The following RBFOX1 variants were observed in gnomAD, a reference collection of about 807,000 sequenced individuals.
RBFOX1 encodes the protein RNA binding protein fox-1 homolog 1.
Under a neutral mutation model 57.7 loss-of-function variants are expected in RBFOX1, and 8 were observed. That is an observed-to-expected ratio of 0.14 (90% confidence interval 0.08 to 0.25). RBFOX1 has a LOEUF of 0.25. Ranked by LOEUF, RBFOX1 falls within the 10% of genes least tolerant of loss-of-function variation. The pLI, the probability that RBFOX1 is intolerant of heterozygous loss-of-function variation, is 1.00. For synonymous variants in RBFOX1, 326 were observed against 222.4 expected (o/e 1.47, Z -4.15); for missense variants, 611 against 548.5 (o/e 1.11, Z -1.14).
At position 6,748,652 on chromosome 16, in the gene RBFOX1, C is replaced by T. The variant is rs544014847; in HGVS notation, c.-16+94002C>T. Reference sequence around the variant, plus strand: ...CCAGCCTGAGCAACAAGGCAAGATCCTGTCTCAAACAAAACACCTAATTAT... The same window carrying T: ...CCAGCCTGAGCAACAAGGCAAGATCTTGTCTCAAACAAAACACCTAATTAT... On this transcript the variant is annotated intron_variant, in intron 3 of 15. Transcript: ENST00000550418. 2.0e-5 allele frequency among the ~76,000 whole-genome samples: 3 copies of T among 152,256 alleles called. No individual in the cohort carries two copies. The East Asian group carries it at 5.8e-4, about 29-fold the overall frequency.
intron 1 of RBFOX1, among the ~76,000 whole-genome samples, chr16:5,363,776 G>GTGTCT (rs1162221913): frequency 5.3e-5 from 8 of 152,176 alleles, no homozygotes; most frequent in Non-Finnish European, 7.3e-5. Flanking sequence ...GTATTACCAG[G>GTGTCT]GCCAGAAGGG....
At chr16:5,573,458 G>C (rs991423660) in intron 2 of RBFOX1, among the ~76,000 whole-genome samples, 1 of 152,210 alleles carries the variant, frequency 6.6e-6, no homozygotes, top group Non-Finnish European at 1.5e-5. Context: ...TGGAATCGCT[G>C]GAGGCAGAGC....
In RBFOX1 at chr16:7,025,678, A is replaced by AGGCCT. The variant is rs577224373; in HGVS notation, c.-15-26368_-15-26364dup. Among the ~76,000 whole-genome samples the AGGCCT allele has an allele frequency of 2.4e-3, 360 of 152,228 alleles. 1 individual carries two copies. Among genetic ancestry groups the AGGCCT allele is most frequent in the Non-Finnish European group, 4.1e-3 (276 of 68,002 alleles). On this transcript the variant is annotated intron_variant, in intron 3 of 15. Coordinates refer to ENST00000550418, the MANE Select transcript of RBFOX1 (RefSeq NM_018723.4). ...ACCTCTTCATCAGGGGTGCTGGAGA[A>AGGCCT]GGCCTGGCCTGGCCTCTGGAGCCTG...
chr16:5,341,961 T>G (rs975606337), intron 1 of RBFOX1, among the ~76,000 whole-genome samples: 3 of 152,160 alleles, frequency 2.0e-5, no homozygotes, highest in Non-Finnish European at 2.9e-5. Context: ...AGGTGAGATT[T>G]GGATCACCCT....
chr16:7,066,183 C>G (rs531415437), intron 4 of RBFOX1, among the ~76,000 whole-genome samples: 5 of 152,294 alleles, frequency 3.3e-5, no homozygotes, highest in Admixed American at 3.3e-4. Flanking sequence ...CTTTAATTCA[C>G]ACTTAGAGAA....
intron 6 of RBFOX1, among the ~76,000 whole-genome samples, chr16:7,583,947 A>T (rs2093957756): frequency 6.6e-6 from 1 of 152,208 alleles, no homozygotes; most frequent in Admixed American, 6.5e-5. Flanking sequence ...GCAAAGGAAG[A>T]TTTCAAGATC....
intron 3 of RBFOX1, among the ~76,000 whole-genome samples, chr16:5,644,068 C>T (rs2048969177): frequency 6.6e-6 from 1 of 152,298 alleles, no homozygotes; most frequent in South Asian, 2.1e-4. Context: ...TAGTAATTTT[C>T]ATGATGCAAA....
At chr16:5,669,413 A>G (rs942332593) in intron 3 of RBFOX1, among the ~76,000 whole-genome samples, 10 of 144,966 alleles carry the variant, frequency 6.9e-5, no homozygotes, top group African/African-American at 2.6e-4. Flanking sequence ...GAGAATGAGA[A>G]CAAGTTGGCT....
intron 4 of RBFOX1, among the ~76,000 whole-genome samples, chr16:7,263,105 G>C (rs1407625919): frequency 2.6e-5 from 4 of 152,200 alleles, no homozygotes; most frequent in Admixed American, 2.6e-4. Context: ...ATTCCTTGGT[G>C]AGTCACTCAG....
intron 4 of RBFOX1, among the ~76,000 whole-genome samples, chr16:7,063,864 C>T (rs1283235575): frequency 2.0e-5 from 3 of 152,194 alleles, no homozygotes; most frequent in Non-Finnish European, 4.4e-5. Flanking sequence ...GGTGGATGTG[C>T]ATAGGTTATA....
chr16:5,755,327 CA>C (rs1472207094), intron 3 of RBFOX1, among the ~76,000 whole-genome samples: 1 of 152,008 alleles, frequency 6.6e-6, no homozygotes, highest in Admixed American at 6.6e-5. Flanking sequence ...GACACAGTAA[CA>C]ATCTGATCTC....
chr16:6,308,207 C>G (rs2079770898), intron 1 of RBFOX1, among the ~76,000 whole-genome samples: 1 of 151,734 alleles, frequency 6.6e-6, no homozygotes, highest in Admixed American at 6.6e-5. Flanking sequence ...GTGTATTTAT[C>G]TATTTGGATG....
chr16:6,223,639 C>G (rs1309765652), intron 1 of RBFOX1, among the ~76,000 whole-genome samples: 1 of 152,120 alleles, frequency 6.6e-6, no homozygotes, highest in Non-Finnish European at 1.5e-5. Flanking sequence ...AATTTTCTCC[C>G]ATTTTGTAGG....
intron 4 of RBFOX1, among the ~76,000 whole-genome samples, chr16:7,075,727 C>G (rs945207523): frequency 6.6e-6 from 1 of 152,058 alleles, no homozygotes; most frequent in African/African-American, 2.4e-5. Flanking sequence ...ACTACAGGTG[C>G]CTGCCACCAC....
intron 2 of RBFOX1, among the ~76,000 whole-genome samples, chr16:6,468,757 C>T (rs2095108585): frequency 6.6e-6 from 1 of 151,946 alleles, no homozygotes; most frequent in African/African-American, 2.4e-5. Context: ...TTCTTTCTGC[C>T]TTTTTTATTT....
intron 2 of RBFOX1, among the ~76,000 whole-genome samples, chr16:6,342,866 C>G (rs573717810): frequency 1.2e-4 from 19 of 152,236 alleles, no homozygotes; most frequent in African/African-American, 3.9e-4. Context: ...AATGCTTTAT[C>G]CTACATTGAT....
intron 1 of RBFOX1, among the ~76,000 whole-genome samples, chr16:6,259,169 C>G (rs976448676): frequency 1.3e-5 from 2 of 152,192 alleles, no homozygotes; most frequent in Non-Finnish European, 2.9e-5. Context: ...AAATTGGATA[C>G]AAGCCTAGCT....
At chr16:7,480,864 C>G (rs1301111051) in intron 4 of RBFOX1, among the ~76,000 whole-genome samples, 1 of 152,142 alleles carries the variant, frequency 6.6e-6, no homozygotes, top group East Asian at 1.9e-4. Context: ...TAAAAGTTGT[C>G]CTCCTGGGGC....
intron 3 of RBFOX1, among the ~76,000 whole-genome samples, chr16:6,885,408 A>C (rs1175932902): frequency 6.6e-6 from 1 of 152,194 alleles, no homozygotes; most frequent in Non-Finnish European, 1.5e-5. Flanking sequence ...AGAATTTACA[A>C]AACCCATTTT....
Sources: allele counts gnomAD v4.1 joint callset (sites outside exome capture counted in the v4.1 genomes callset), GRCh38; gene constraint gnomAD v4.1.1; transcripts MANE v1.5; gene names NCBI Gene and HGNC (gene_info 2026-07-23, HGNC 2026-07-21).